NDNF: variants seen among roughly 807,000 people sequenced by gnomAD.
NDNF encodes protein NDNF.
In NDNF, 16 loss-of-function variants were observed where a neutral mutation model predicts 42.0. The observed-to-expected ratio is 0.38, with a 90% CI of 0.26 to 0.58. The LOEUF (loss-of-function observed/expected upper bound fraction) is 0.58. NDNF is among the 20% of genes least tolerant of loss of function. NDNF has a pLI of 0.67. For missense variants in NDNF, 616 were observed against 666.2 expected, an observed-to-expected ratio of 0.92 and a Z score of 0.83; for synonymous variants, 248 against 251.7, an observed-to-expected ratio of 0.99 and a Z score of 0.14.
intron 1 of NDNF, among the ~76,000 whole-genome samples, chr4:121,053,956 G>T (rs774071070): frequency 6.6e-6 from 1 of 152,166 alleles, no homozygotes; most frequent in East Asian, 1.9e-4. Context: ...ATGGCAGCGC[G>T]CCAGTAGCAT....
At chr4:121,038,996 A>C (rs1726929736) in intron 3 of NDNF, 1 of 149,640 alleles carries the variant, frequency 6.7e-6, no homozygotes, top group South Asian at 2.1e-4. Flanking sequence ...AAAAAAAAAA[A>C]AAAAGCCCAT....
rs751244708 is a variant in NDNF at position 121,036,996 on chromosome 4, G to T, written c.975C>A (p.Thr325=). 23 of 1,613,736 alleles carry T rather than the reference G, an allele frequency of 1.4e-5. No individual in the cohort carries two copies. The African/African-American group carries it at 2.7e-4, about 19-fold the overall frequency. Residue 325 remains threonine (T), a synonymous_variant, in exon 4 of 4, where the codon ACC becomes ACA. Coordinates refer to ENST00000379692, the MANE Select transcript of NDNF (RefSeq NM_024574.4). Reference sequence around the variant, plus strand: ...TCCTGGCAAAGGTACCTACATAAGCGGTGCTCATGTTGCTGTTGATGTTGA... The same window carrying T: ...TCCTGGCAAAGGTACCTACATAAGCTGTGCTCATGTTGCTGTTGATGTTGA... ...FVVNINSNMS[T]AYVGTFARTK... is the part of the protein sequence containing the mutation.
At chr4:121,070,989 C>T (rs1727584515) in intron 1 of NDNF, among the ~76,000 whole-genome samples, 1 of 152,160 alleles carries the variant, frequency 6.6e-6, no homozygotes, top group Admixed American at 6.5e-5. Context: ...ACGCCTGGGC[C>T]TGGGATAGGG....
chr4:121,062,260 C>T (rs1277033187), intron 1 of NDNF, among the ~76,000 whole-genome samples: 2 of 152,144 alleles, frequency 1.3e-5, no homozygotes, highest in African/African-American at 4.8e-5. Context: ...TCTTAATATG[C>T]TTTTTGTTAT....
At chr4:121,056,764 T>C (rs1727303653) in intron 1 of NDNF, among the ~76,000 whole-genome samples, 1 of 152,224 alleles carries the variant, frequency 6.6e-6, no homozygotes, top group South Asian at 2.1e-4. Context: ...TCAAAGATGT[T>C]TCTGTTCTTA....
intron 1 of NDNF, among the ~76,000 whole-genome samples, chr4:121,058,055 C>T (rs548401010): frequency 6.6e-6 from 1 of 152,250 alleles, no homozygotes; most frequent in South Asian, 2.1e-4. Flanking sequence ...TATAAAAAAG[C>T]TCTTCATGGG....
At chr4:121,067,052 G>T (rs919978842) in intron 1 of NDNF, among the ~76,000 whole-genome samples, 2 of 152,112 alleles carry the variant, frequency 1.3e-5, no homozygotes, top group African/African-American at 2.4e-5. Flanking sequence ...TTTATAATTT[G>T]GTTTTTATAT....
At chr4:121,052,080 A>T (rs949719215) in intron 1 of NDNF, among the ~76,000 whole-genome samples, 1 of 152,244 alleles carries the variant, frequency 6.6e-6, no homozygotes, top group African/African-American at 2.4e-5. Flanking sequence ...TGATAATATG[A>T]TCAAAACAAA....
At chr4:121,046,489 T>C (rs1450073723) in intron 1 of NDNF, among the ~76,000 whole-genome samples, 1 of 152,220 alleles carries the variant, frequency 6.6e-6, no homozygotes, top group African/African-American at 2.4e-5. Context: ...AAACTTCATC[T>C]CCTTCACAGA....
chr4:121,062,121 G>T (rs1454106486), intron 1 of NDNF, among the ~76,000 whole-genome samples: 5 of 152,166 alleles, frequency 3.3e-5, no homozygotes, highest in Non-Finnish European at 7.4e-5. Context: ...TTCAGCATCA[G>T]ATTATTCCAT....
chr4:121,069,223 T>C (rs1349353167), intron 1 of NDNF, among the ~76,000 whole-genome samples: 2 of 152,224 alleles, frequency 1.3e-5, no homozygotes, highest in Admixed American at 6.5e-5. Context: ...CAAGGTAGCA[T>C]TCCATCGACC....
At chr4:121,040,494 C>A (rs2148763710) in intron 2 of NDNF, among the ~76,000 whole-genome samples, 1 of 152,324 alleles carries the variant, frequency 6.6e-6, no homozygotes, top group Non-Finnish European at 1.5e-5. Flanking sequence ...TGTACATTAA[C>A]TTGAGGGCAC....
chr4:121,065,412 A>G (rs1011942378), intron 1 of NDNF, among the ~76,000 whole-genome samples: 5 of 151,916 alleles, frequency 3.3e-5, no homozygotes, highest in Admixed American at 3.3e-4. Flanking sequence ...TCTGTTCAGT[A>G]CGATTTTAGA....
At chr4:121,061,788 AAGATCACTCAACTTAG>A (rs1442216960) in intron 1 of NDNF, among the ~76,000 whole-genome samples, 2 of 152,218 alleles carry the variant, frequency 1.3e-5, no homozygotes, top group African/African-American at 4.8e-5. Context: ...AAAATAGAAA[AAGATCACTCAACTTAG>A]AGTAAGATCT....
chr4:121,037,850 G>A (rs891438173), intron 3 of NDNF, 193 bp from the exon 4 acceptor site: 13 of 447,536 alleles, frequency 2.9e-5, no homozygotes, highest in Non-Finnish European at 4.7e-5. Flanking sequence ...TATGTGTAAG[G>A]CTTCTCTGAA....
At chr4:121,058,294 C>G (rs1412956588) in intron 1 of NDNF, among the ~76,000 whole-genome samples, 1 of 152,138 alleles carries the variant, frequency 6.6e-6, no homozygotes, top group African/African-American at 2.4e-5. Context: ...GGCTGTTTAC[C>G]AAACCCTCAA....
Position 121,037,614 on chromosome 4 carries a change from A to G in NDNF, c.357T>C (p.Asn119=). ...AGGAGAATAACTCAGTGCCTTCCTC[A>G]TTAATGATCTGCTGCTTCTGCTGCT... The part of the protein sequence containing the change: ...PLEQQKQQII[N]EEGTELFSYK... The change falls in exon 4 of 4, where the codon AAT becomes AAC. Residue 119 remains asparagine, a synonymous_variant. Coordinates refer to ENST00000379692, the MANE Select transcript of NDNF (RefSeq NM_024574.4). 1 of 1,602,904 alleles carries G rather than the reference A, an allele frequency of 6.2e-7. No homozygotes were observed. The highest frequency in any genetic ancestry group is 8.5e-7 in the Non-Finnish European group (1 of 1,177,404).
chr4:121,070,885 G>T (rs6848166), intron 1 of NDNF, among the ~76,000 whole-genome samples: 26,328 of 152,130 alleles, frequency 0.17, 2,448 homozygotes, highest in Middle Eastern at 0.24. Context: ...CCGCAACTTG[G>T]CCGGAGGGAC....
At position 121,036,814 on chromosome 4, in the gene NDNF, T is replaced by C. The variant is rs762425792; in HGVS notation, c.1157A>G (p.Gln386Arg). 6.2e-7 allele frequency: 1 copy of C among 1,614,204 alleles called. No homozygotes were observed. The highest frequency in any genetic ancestry group is 1.7e-5 in the Admixed American group (1 of 60,012). The change falls in exon 4 of 4, where the codon CAA becomes CGA. Residue 386 changes from glutamine (Q) to arginine (R), a missense_variant. Transcript: ENST00000379692. ...FFIHSCLDAV[Q>R]IQVRRDGKLL... ...TTTCCCATCTCTTCTCACTTGGATT[T>C]GGACAGCATCCAGACAAGAGTGAAT...
Sources: allele counts gnomAD v4.1 joint callset (sites outside exome capture counted in the v4.1 genomes callset), GRCh38; gene constraint gnomAD v4.1.1; transcripts MANE v1.5; gene names NCBI Gene and HGNC (gene_info 2026-07-23, HGNC 2026-07-21).